LSAMP: variants seen among roughly 807,000 people sequenced by gnomAD.
LSAMP encodes the protein limbic system-associated membrane protein.
Under a neutral mutation model 38.6 loss-of-function variants are expected in LSAMP, and 7 were observed. The observed-to-expected ratio is 0.18, with a 90% CI of 0.10 to 0.34. The LOEUF is 0.34. Ranked by LOEUF, LSAMP falls within the 10% of genes least tolerant of loss-of-function variation. LSAMP has a pLI of 1.00. For synonymous variants in LSAMP, 154 were observed against 166.8 expected, an observed-to-expected ratio of 0.92 and a Z score of 0.59; for missense variants, 313 against 420.0, an observed-to-expected ratio of 0.75 and a Z score of 2.23.
intron 1 of LSAMP, among the ~76,000 whole-genome samples, chr3:116,349,750 C>T (rs370074845): frequency 1.6e-4 from 24 of 152,012 alleles, no homozygotes; most frequent in Middle Eastern, 3.4e-3. Flanking sequence ...TGTAGTCACA[C>T]GCCTGGGATT....
intron 3 of LSAMP, among the ~76,000 whole-genome samples, chr3:116,010,725 G>A (rs1014226778): frequency 6.6e-6 from 1 of 152,176 alleles, no homozygotes; most frequent in African/African-American, 2.4e-5. Context: ...GAACTTTCCT[G>A]AAATGTCCAG....
At chr3:116,322,938 A>T (rs909721630) in intron 1 of LSAMP, among the ~76,000 whole-genome samples, 3 of 152,104 alleles carry the variant, frequency 2.0e-5, no homozygotes, top group African/African-American at 7.2e-5. Context: ...CACAAATAGA[A>T]CTGAACTTAC....
intron 1 of LSAMP, among the ~76,000 whole-genome samples, chr3:116,312,113 G>A (rs970673500): frequency 2.0e-5 from 3 of 152,092 alleles, no homozygotes; most frequent in African/African-American, 7.2e-5. Flanking sequence ...AGAAAAAGGT[G>A]GTATTGATCT....
chr3:116,413,428 A>G (rs141051771), intron 1 of LSAMP, among the ~76,000 whole-genome samples: 1 of 152,034 alleles, frequency 6.6e-6, no homozygotes, highest in African/African-American at 2.4e-5. Context: ...GTCTTTGCAG[A>G]TATTCTATAT....
chr3:116,248,122 C>T (rs1239869840), intron 1 of LSAMP, among the ~76,000 whole-genome samples: 1 of 152,106 alleles, frequency 6.6e-6, no homozygotes, highest in African/African-American at 2.4e-5. Flanking sequence ...AAAGATGGAG[C>T]AGATAAATGC....
chr3:116,271,747 G>A (rs191120116), intron 1 of LSAMP, among the ~76,000 whole-genome samples: 5 of 151,962 alleles, frequency 3.3e-5, no homozygotes, highest in African/African-American at 1.2e-4. Flanking sequence ...CGGATAGTGT[G>A]CCAATTTGTA....
At chr3:115,947,509 G>A (rs988264645) in intron 3 of LSAMP, among the ~76,000 whole-genome samples, 2 of 152,114 alleles carry the variant, frequency 1.3e-5, no homozygotes, top group African/African-American at 4.8e-5. Flanking sequence ...TATGATAGTG[G>A]TTACGTTGGG....
At chr3:116,029,714 CAGG>C (rs961525048) in intron 2 of LSAMP, among the ~76,000 whole-genome samples, 1 of 152,124 alleles carries the variant, frequency 6.6e-6, no homozygotes, top group African/African-American at 2.4e-5. Context: ...TTTCATCAGA[CAGG>C]AGCAGTTTCT....
At chr3:116,349,503 T>A (rs2033407) in intron 1 of LSAMP, among the ~76,000 whole-genome samples, 68,769 of 141,570 alleles carry the variant, frequency 0.49, 19,061 homozygotes, top group East Asian at 0.76. Context: ...ACACACACAC[T>A]CTCTCTCTCT....
At chr3:116,381,054 G>C (rs1455443763) in intron 1 of LSAMP, among the ~76,000 whole-genome samples, 1 of 151,918 alleles carries the variant, frequency 6.6e-6, no homozygotes, top group Non-Finnish European at 1.5e-5. Flanking sequence ...TCACTCATAT[G>C]GAAAGAGGTA....
At chr3:116,304,139 C>T (rs989572099) in intron 1 of LSAMP, among the ~76,000 whole-genome samples, 1 of 152,134 alleles carries the variant, frequency 6.6e-6, no homozygotes, top group Admixed American at 6.6e-5. Flanking sequence ...ACTTAGCTAT[C>T]GCTATGTGCC....
chr3:116,124,588 A>C (rs1273359812), intron 1 of LSAMP, among the ~76,000 whole-genome samples: 1 of 152,240 alleles, frequency 6.6e-6, no homozygotes, highest in African/African-American at 2.4e-5. Context: ...CCATGTTTTT[A>C]AAAGTAAATT....
At chr3:116,054,015 A>C (rs73139182) in intron 2 of LSAMP, among the ~76,000 whole-genome samples, 4,405 of 152,322 alleles carry the variant, frequency 0.029, 91 homozygotes, top group Non-Finnish European at 0.046. Context: ...TTACAGTTTT[A>C]GAGATCAGAT....
intron 3 of LSAMP, among the ~76,000 whole-genome samples, chr3:115,884,999 CAGA>C (rs1214027357): frequency 6.6e-6 from 1 of 151,838 alleles, no homozygotes; most frequent in African/African-American, 2.4e-5. Context: ...AAGGCGTTCA[CAGA>C]AGAAAGTATA....
intron 1 of LSAMP, among the ~76,000 whole-genome samples, chr3:116,144,557 C>T (rs965521230): frequency 5.6e-5 from 4 of 71,152 alleles, no homozygotes; most frequent in Non-Finnish European, 1.1e-4. Context: ...TATATCATCA[C>T]CTTACTTTTT....
chr3:116,356,383 A>G (rs1303972980), intron 1 of LSAMP, among the ~76,000 whole-genome samples: 1 of 152,174 alleles, frequency 6.6e-6, no homozygotes, highest in Non-Finnish European at 1.5e-5. Context: ...AAAACAATTG[A>G]ACTCACGGAG....
intron 3 of LSAMP, among the ~76,000 whole-genome samples, chr3:115,972,363 A>G (rs1324810329): frequency 1.3e-5 from 2 of 152,098 alleles, no homozygotes; most frequent in African/African-American, 2.4e-5. Context: ...ACTAAAAAGC[A>G]TGGATTTTAC....
At chr3:116,402,181 C>A (rs549510257) in intron 1 of LSAMP, among the ~76,000 whole-genome samples, 1 of 152,052 alleles carries the variant, frequency 6.6e-6, no homozygotes, top group Non-Finnish European at 1.5e-5. Flanking sequence ...ATTTTATTTG[C>A]GATTTCACAT....
chr3:116,115,691 CTT>C (rs1324332705), intron 1 of LSAMP, among the ~76,000 whole-genome samples: 1 of 149,350 alleles, frequency 6.7e-6, no homozygotes, highest in African/African-American at 2.4e-5. Flanking sequence ...ACAAAAAAAA[CTT>C]TGTTGAGTCG....
Sources: allele counts gnomAD v4.1 joint callset (sites outside exome capture counted in the v4.1 genomes callset), GRCh38; gene constraint gnomAD v4.1.1; transcripts MANE v1.5; gene names NCBI Gene and HGNC (gene_info 2026-07-23, HGNC 2026-07-21).